TMEM267: variants seen among roughly 807,000 people sequenced by gnomAD.
TMEM267 encodes transmembrane protein 267, also known as transmembrane protein C5orf28.
TMEM267 carries 20 observed loss-of-function variants against 19.3 expected under a neutral mutation model. That is an observed-to-expected ratio of 1.04 (90% CI 0.73 to 1.51). TMEM267 has a LOEUF of 1.51. Ranked by LOEUF, TMEM267 falls within the 40% of genes most tolerant of loss-of-function variation. The pLI is 0.00. For synonymous variants in TMEM267, 88 were observed against 90.3 expected (o/e 0.97, Z 0.15); for missense variants, 242 against 261.9 (o/e 0.92, Z 0.52).
chr5:43,479,269 GTCTATTAAAAAATCTGGAAGAC>G, intron 1 of TMEM267, among the ~76,000 whole-genome samples: 1 of 151,548 alleles, frequency 6.6e-6, no homozygotes, highest in East Asian at 1.9e-4. Context: ...ATATATACAG[GTCTATTAAAAAATCTGGAAGAC>G]TGTTTATTTG....
At chr5:43,480,494 CTTTTTTT>C (rs879658658) in intron 1 of TMEM267, among the ~76,000 whole-genome samples, 1 of 146,500 alleles carries the variant, frequency 6.8e-6, no homozygotes, top group Non-Finnish European at 1.5e-5. Context: ...TTTCTTTTTT[CTTTTTTT>C]TTTAAGAGAC....
At chr5:43,464,820 G>A (rs1330515637) in intron 1 of TMEM267, among the ~76,000 whole-genome samples, 2 of 152,190 alleles carry the variant, frequency 1.3e-5, no homozygotes, top group Non-Finnish European at 2.9e-5. Context: ...ATGGATTAAA[G>A]ACTTAAGTGT....
chr5:43,475,687 C>CT (rs929857613), intron 1 of TMEM267, among the ~76,000 whole-genome samples: 27 of 152,230 alleles, frequency 1.8e-4, no homozygotes, highest in African/African-American at 6.5e-4. Flanking sequence ...GGTGAAATGA[C>CT]TGCCTACCCA....
Position 43,453,813 on chromosome 5 carries a change from C to A in TMEM267, c.157G>T (p.Asp53Tyr), listed in dbSNP as rs552981404. The change falls in exon 2 of 3, where the codon GAT (aspartate) becomes TAT (tyrosine). Residue 53 changes from aspartate (D) to tyrosine (Y), a missense_variant. By Grantham distance (160) the Asp-to-Tyr change is radical. Transcript: ENST00000397080. ...QQNDWLRALS[D>Y]NAVHCVIGMW... ...CCAATTACACAATGTACTGCATTAT[C>A]TGAGAGAGCACGAAGCCAGTCATTT... is the stretch of plus-strand genomic sequence containing the variant. The A allele has an allele frequency of 6.2e-7, 1 of 1,614,104 alleles. No individual in the cohort carries two copies. Among genetic ancestry groups the A allele is most frequent in the African/African-American group, 1.3e-5 (1 of 75,040 alleles).
intron 2 of TMEM267, among the ~76,000 whole-genome samples, chr5:43,452,791 T>C (rs1257087355): frequency 6.6e-6 from 1 of 152,212 alleles, no homozygotes; most frequent in African/African-American, 2.4e-5. Context: ...GAGAAATACC[T>C]GGTACTTGAC....
At chr5:43,480,441 G>C (rs952980693) in intron 1 of TMEM267, among the ~76,000 whole-genome samples, 2 of 152,006 alleles carry the variant, frequency 1.3e-5, no homozygotes, top group Non-Finnish European at 2.9e-5. Flanking sequence ...AGTCTCCTGA[G>C]TAGCTGGGAC....
chr5:43,473,139 CA>C (rs71610311), intron 1 of TMEM267, among the ~76,000 whole-genome samples: 337 of 84,488 alleles, frequency 4.0e-3, no homozygotes, highest in African/African-American at 0.011. Context: ...CTCCGTGTCA[CA>C]AAAAAAAAAA....
At chr5:43,449,667 C>A (rs1561183955) in intron 2 of TMEM267, among the ~76,000 whole-genome samples, 1 of 152,166 alleles carries the variant, frequency 6.6e-6, no homozygotes. Flanking sequence ...CCAACAAAAG[C>A]ACTTTTATGT....
At position 43,453,913 on chromosome 5, in the gene TMEM267, A is replaced by G; in HGVS notation, c.57T>C (p.Ser19=). 1 of 1,614,054 alleles carries G rather than the reference A, an allele frequency of 6.2e-7. No individual in the cohort carries two copies. The part of the protein sequence containing the change: ...HALLQTCSTE[S]LISSLGLGAF... ...CCCCCAGACCAAGGCTGGAAATAAG[A>G]GATTCAGTGCTACAAGTCTGCAGTA... is the stretch of plus-strand genomic sequence containing the variant. Residue 19 remains serine, a synonymous_variant, in exon 2 of 3, where the codon TCT becomes TCC. Transcript: ENST00000397080.
In TMEM267 at chr5:43,474,301, C is replaced by G. The variant is rs765331660; in HGVS notation, c.-75+9521G>C. Among the ~76,000 whole-genome samples the G allele has an allele frequency of 3.5e-4, 53 of 152,108 alleles. 1 individual carries two copies. On this transcript the variant is annotated intron_variant, in intron 1 of 2. Transcript: ENST00000397080. ...AAGAGCTTCTACACAGCAAAAGAAA[C>G]GATCATCAGAGCGAACAGGCCACCT...
chr5:43,445,355 C>T lies in TMEM267; in HGVS notation c.*867G>A, dbSNP rs545080373. On this transcript the variant is annotated 3_prime_UTR_variant, in exon 3 of 3. Transcript: ENST00000397080. Reference sequence around the variant, plus strand: ...AGCAACTAAAATAATTTTAATGGTACATTCAGGAATTTACATTTGAAATGA... The same window carrying T: ...AGCAACTAAAATAATTTTAATGGTATATTCAGGAATTTACATTTGAAATGA... The T allele has an allele frequency of 6.6e-6, 1 of 152,084 alleles. No homozygotes were observed. Among genetic ancestry groups the T allele is most frequent in the East Asian group, 1.9e-4 (1 of 5,186 alleles). The allele number at this position is 152,084 out of a possible 1,614,324, so 9.4% of individuals were successfully genotyped here.
intron 1 of TMEM267, among the ~76,000 whole-genome samples, chr5:43,474,138 G>A (rs1025046968): frequency 3.9e-5 from 6 of 152,120 alleles, no homozygotes; most frequent in African/African-American, 7.2e-5. Flanking sequence ...AGACTTAAAC[G>A]TAAGACCTAA....
intron 1 of TMEM267, among the ~76,000 whole-genome samples, chr5:43,477,462 C>T (rs1307261118): frequency 2.0e-5 from 3 of 152,072 alleles, no homozygotes; most frequent in East Asian, 1.9e-4. Context: ...GGCATGATGG[C>T]GTGTGCCTGT....
chr5:43,449,693 G>A (rs1394332456), intron 2 of TMEM267, among the ~76,000 whole-genome samples: 1 of 152,170 alleles, frequency 6.6e-6, no homozygotes, highest in African/African-American at 2.4e-5. Context: ...AGTAATAAAG[G>A]TTTAGTTTAT....
chr5:43,452,665 A>G (rs1039222973), intron 2 of TMEM267, among the ~76,000 whole-genome samples: 4 of 152,062 alleles, frequency 2.6e-5, no homozygotes, highest in African/African-American at 9.7e-5. Context: ...AAGTCTTCTC[A>G]TTTCAATCTT....
intron 1 of TMEM267, among the ~76,000 whole-genome samples, chr5:43,464,480 A>C (rs866018565): frequency 9.2e-5 from 14 of 152,388 alleles, no homozygotes; most frequent in African/African-American, 3.4e-4. Flanking sequence ...GGAACCAAAA[A>C]AGAGCCCGCA....
Position 43,446,077 on chromosome 5 carries a change from TA to T in TMEM267, c.*144del. The T allele has an allele frequency of 1.8e-6, 1 of 543,192 alleles. No individual in the cohort carries two copies. 33.6% of individuals were successfully genotyped at this position (543,192 alleles called of 1,614,324 possible). ...AAGTATAATTTTTAAAAAAGTTGTA[TA>T]CACTTCCTGAGCAAGAGGATTGCAG... On this transcript the variant is annotated 3_prime_UTR_variant, in exon 3 of 3. Transcript: ENST00000397080.
intron 1 of TMEM267, among the ~76,000 whole-genome samples, chr5:43,463,852 G>T (rs935328571): frequency 3.3e-5 from 5 of 152,058 alleles, no homozygotes; most frequent in Non-Finnish European, 7.4e-5. Context: ...AATATCATAC[G>T]GAATGGGCAA....
At chr5:43,459,013 T>A (rs1424025990) in intron 1 of TMEM267, among the ~76,000 whole-genome samples, 3 of 134,474 alleles carry the variant, frequency 2.2e-5, no homozygotes, top group Non-Finnish European at 3.2e-5. Context: ...AAAAAAAAAA[T>A]TATCTTCCAA....
Sources: allele counts gnomAD v4.1 joint callset (sites outside exome capture counted in the v4.1 genomes callset), GRCh38; gene constraint gnomAD v4.1.1; transcripts MANE v1.5; gene names NCBI Gene and HGNC (gene_info 2026-07-23, HGNC 2026-07-21).